The following CAV1 variants were observed in gnomAD, a reference collection of about 807,000 sequenced individuals.
The protein encoded by CAV1 is caveolin 1, also known as caveolin-1.
In CAV1, 10 loss-of-function variants were observed where a neutral mutation model predicts 16.5. The ratio of observed to expected loss-of-function variants is 0.61; its 90% confidence interval spans 0.37 to 1.03. CAV1 has a LOEUF of 1.03. Among genes scored for constraint, CAV1 ranks in the 50% least tolerant of loss-of-function variants. CAV1 has a pLI of 0.01. For missense variants in CAV1, 212 were observed against 232.8 expected, an observed-to-expected ratio of 0.91 and a Z score of 0.58; for synonymous variants, 76 against 85.1, an observed-to-expected ratio of 0.89 and a Z score of 0.59.
chr7:116,534,678 G>A (rs1793771513), intron 2 of CAV1, among the ~76,000 whole-genome samples: 1 of 151,734 alleles, frequency 6.6e-6, no homozygotes. Flanking sequence ...GGGATTACAG[G>A]CGTGAGCCAC....
At chr7:116,548,126 C>G (rs1794090792) in intron 2 of CAV1, among the ~76,000 whole-genome samples, 1 of 152,198 alleles carries the variant, frequency 6.6e-6, no homozygotes, top group South Asian at 2.1e-4. Context: ...AGACCAGCTG[C>G]ATCAAAATGA....
chr7:116,554,444 G>A (rs565902203), intron 2 of CAV1, among the ~76,000 whole-genome samples: 20 of 152,322 alleles, frequency 1.3e-4, no homozygotes, highest in African/African-American at 4.6e-4. Flanking sequence ...AGTAGGCAGA[G>A]AAGGTATGTG....
chr7:116,525,210 ACTC>A, intron 1 of CAV1, 118 bp downstream of exon 1: 1 of 1,612,598 alleles, frequency 6.2e-7, no homozygotes, highest in Non-Finnish European at 8.5e-7. Context: ...ACTTCGGAGC[ACTC>A]CTCTGGCGTT....
At chr7:116,548,005 A>C (rs1794088261) in intron 2 of CAV1, among the ~76,000 whole-genome samples, 1 of 152,172 alleles carries the variant, frequency 6.6e-6, no homozygotes, top group Non-Finnish European at 1.5e-5. Flanking sequence ...CAAAGGCAAC[A>C]CAGTAATCGA....
intron 2 of CAV1, among the ~76,000 whole-genome samples, chr7:116,548,690 T>C (rs190230798): frequency 5.0e-4 from 76 of 152,156 alleles, no homozygotes; most frequent in African/African-American, 1.5e-3. Flanking sequence ...TGGTGTGGTA[T>C]AGGGAGAGCT....
In CAV1 at chr7:116,538,246, A is replaced by T. The variant is rs541726246; in HGVS notation, c.195+11557A>T. 1.4e-4 allele frequency among the ~76,000 whole-genome samples: 22 copies of T among 152,378 alleles called. 1 individual carries two copies. In the South Asian group the frequency reaches 4.6e-3, roughly 32 times the overall value. ...GAGAAATGCCTATGGAATATGGCAA[A>T]TCGTTTCTCTGAGACTTCCTCCCTA... is the stretch of plus-strand genomic sequence containing the variant. On this transcript the variant is annotated intron_variant, in intron 2 of 2. Coordinates refer to ENST00000341049, the MANE Select transcript of CAV1 (RefSeq NM_001753.5).
At chr7:116,542,740 CTGTT>C (rs1435680338) in intron 2 of CAV1, 1 of 152,184 alleles carries the variant, frequency 6.6e-6, no homozygotes, top group African/African-American at 2.4e-5. Context: ...TTTCCTTTGC[CTGTT>C]TATTTTTAAT....
intron 2 of CAV1, among the ~76,000 whole-genome samples, chr7:116,542,537 G>C (rs1324179375): frequency 6.6e-6 from 1 of 152,174 alleles, no homozygotes; most frequent in Non-Finnish European, 1.5e-5. Flanking sequence ...AAAGGCCACA[G>C]TGGGGTAGTT....
At chr7:116,539,156 C>T (rs959774191) in intron 2 of CAV1, among the ~76,000 whole-genome samples, 13 of 152,154 alleles carry the variant, frequency 8.5e-5, no homozygotes, top group Admixed American at 7.9e-4. Context: ...TGGAGCTTGC[C>T]TCTGACATCT....
chr7:116,530,216 T>TTTC, intron 2 of CAV1, among the ~76,000 whole-genome samples: 1 of 150,032 alleles, frequency 6.7e-6, no homozygotes, highest in African/African-American at 2.5e-5. Context: ...TCCTTTTTTT[T>TTTC]TTTTTGCCTT....
rs370105972 is a variant in CAV1, at chr7:116,525,090, G to T, written c.28G>T (p.Glu10Ter). Reference protein sequence around the residue: MSGGKYVDSEGHLYTVPIRE... With the variant: MSGGKYVDS ...GTCTGGGGGCAAATACGTAGACTCG[G>T]AGGTAGGCATCCGTGGGGGGGCGCC... is the stretch of plus-strand genomic sequence containing the variant. Residue 10 changes from glutamate (E) to a stop codon, truncating the protein, a stop_gained and splice_region_variant, in exon 1 of 3, where the codon GAG (glutamate) becomes TAG (stop). Transcript: ENST00000341049. LOFTEE classifies it high-confidence loss of function. 65 of 1,613,996 alleles carry T rather than the reference G, an allele frequency of 4.0e-5. No homozygotes were observed. Among genetic ancestry groups the T allele is most frequent in the Non-Finnish European group, 6.8e-6 (8 of 1,180,048 alleles).
At chr7:116,549,371 A>G (rs1033399626) in intron 2 of CAV1, among the ~76,000 whole-genome samples, 6 of 152,196 alleles carry the variant, frequency 3.9e-5, no homozygotes, top group South Asian at 2.1e-4. Flanking sequence ...TATATTTTCT[A>G]AATTGTTTTT....
intron 2 of CAV1, among the ~76,000 whole-genome samples, chr7:116,546,022 T>C (rs915832762): frequency 2.0e-5 from 3 of 152,218 alleles, no homozygotes; most frequent in Non-Finnish European, 2.9e-5. Flanking sequence ...GTTGTAGTTA[T>C]TTCTCCTCAA....
rs1793672619 is a variant in CAV1 at position 116,530,768 on chromosome 7, G to A, written c.195+4079G>A. Among the ~76,000 whole-genome samples, 10 of 144,580 alleles carry A rather than the reference G, an allele frequency of 6.9e-5. No homozygotes were observed. The South Asian group carries it at 2.2e-3, about 32-fold the overall frequency. 94.9% of individuals were successfully genotyped at this position (144,580 alleles called of 152,430 possible). ...GATAAAGGTGAAAAGACTGATCATA[G>A]TAAAATGCGGAGTCTGTAAATCCAG... On this transcript the variant is annotated intron_variant, in intron 2 of 2. Transcript: ENST00000341049.
chr7:116,526,224 G>C, intron 1 of CAV1: 1 of 1,028,240 alleles, frequency 9.7e-7, no homozygotes, highest in Non-Finnish European at 1.2e-6. Flanking sequence ...GCGGGCGGGG[G>C]CCTTCGGACC....
At chr7:116,554,672 C>T (rs779618022) in intron 2 of CAV1, among the ~76,000 whole-genome samples, 10 of 152,198 alleles carry the variant, frequency 6.6e-5, no homozygotes, top group Non-Finnish European at 1.5e-4. Flanking sequence ...TGAGAACATA[C>T]CATTCAGAGC....
At chr7:116,535,496 A>G (rs1211476906) in intron 2 of CAV1, among the ~76,000 whole-genome samples, 1 of 152,230 alleles carries the variant, frequency 6.6e-6, no homozygotes, top group Non-Finnish European at 1.5e-5. Context: ...TCAGTAAAAG[A>G]TGTAAATGTT....
chr7:116,525,103 G>GT lies in CAV1; in HGVS notation c.30+12dup, dbSNP rs1563092587. 1 of 1,613,858 alleles carries GT rather than the reference G, an allele frequency of 6.2e-7. No homozygotes were observed. The highest frequency in any genetic ancestry group is 1.1e-5 in the South Asian group (1 of 91,084). On this transcript the variant is annotated intron_variant, in intron 1 of 2. Transcript: ENST00000341049. ...TACGTAGACTCGGAGGTAGGCATCC[G>GT]TGGGGGGGCGCCGGCTCGGGCGTGC...
chr7:116,547,347 C>T (rs1470673894), intron 2 of CAV1, among the ~76,000 whole-genome samples: 2 of 152,138 alleles, frequency 1.3e-5, no homozygotes, highest in African/African-American at 4.8e-5. Flanking sequence ...CAGGAAAACT[C>T]ATACTCCCTC....
Sources: allele counts gnomAD v4.1 joint callset (sites outside exome capture counted in the v4.1 genomes callset), GRCh38; gene constraint gnomAD v4.1.1; transcripts MANE v1.5; gene names NCBI Gene and HGNC (gene_info 2026-07-23, HGNC 2026-07-21).